The following GRID1 variants were observed in gnomAD, a reference collection of about 807,000 sequenced individuals.
GRID1 encodes glutamate receptor ionotropic, delta-1.
A neutral mutation model predicts 98.0 loss-of-function variants in GRID1; 28 were observed. The ratio of observed to expected loss-of-function variants is 0.29; its 90% CI spans 0.21 to 0.39. GRID1 has a LOEUF of 0.39. Among genes scored for constraint, GRID1 ranks in the 10% least tolerant of loss-of-function variants. The pLI, the probability that GRID1 is intolerant of heterozygous loss-of-function variation, is 1.00. For synonymous variants in GRID1, 553 were observed against 538.5 expected (o/e 1.03, Z -0.37); for missense variants, 1,111 against 1,340.5 (o/e 0.83, Z 2.67).
intron 2 of GRID1, among the ~76,000 whole-genome samples, chr10:86,224,649 T>G (rs758280442): frequency 4.6e-5 from 7 of 152,134 alleles, no homozygotes; most frequent in African/African-American, 1.7e-4. Context: ...TAAAGGAAGG[T>G]GTAAGCTGAG....
chr10:86,228,680 C>T (rs889132579), intron 2 of GRID1, among the ~76,000 whole-genome samples: 3 of 152,116 alleles, frequency 2.0e-5, no homozygotes, highest in Non-Finnish European at 4.4e-5. Context: ...ATGAGAACAA[C>T]AGTGTCCCAG....
intron 3 of GRID1, among the ~76,000 whole-genome samples, chr10:86,141,736 T>C (rs1391181789): frequency 2.0e-5 from 3 of 152,276 alleles, no homozygotes; most frequent in Non-Finnish European, 2.9e-5. Context: ...CAGCCACATC[T>C]GGCTGGTGGC....
intron 4 of GRID1, among the ~76,000 whole-genome samples, chr10:86,136,781 C>T (rs1172577809): frequency 2.0e-5 from 3 of 152,158 alleles, no homozygotes; most frequent in Admixed American, 2.0e-4. Context: ...AGGGACTTGA[C>T]TGACGTTAAG....
intron 4 of GRID1, among the ~76,000 whole-genome samples, chr10:85,957,757 A>G (rs1842213605): frequency 6.6e-6 from 1 of 152,168 alleles, no homozygotes; most frequent in South Asian, 2.1e-4. Context: ...GCTGAAGGTC[A>G]GCAGCCACCC....
chr10:86,317,480 A>C (rs1589447544), intron 2 of GRID1, among the ~76,000 whole-genome samples: 2 of 152,328 alleles, frequency 1.3e-5, no homozygotes, highest in South Asian at 4.1e-4. Context: ...CCACAATTAC[A>C]TCTCACCTGC....
intron 4 of GRID1, among the ~76,000 whole-genome samples, chr10:86,095,708 A>C (rs188350815): frequency 6.7e-6 from 1 of 148,640 alleles, no homozygotes; most frequent in South Asian, 2.1e-4. Flanking sequence ...AAATTTTTTT[A>C]AAAGTAGATG....
intron 12 of GRID1, among the ~76,000 whole-genome samples, chr10:85,702,286 C>T (rs9665540): frequency 0.62 from 93,737 of 151,690 alleles, 29,919 homozygotes; most frequent in African/African-American, 0.77. Flanking sequence ...ATAAGTAGAA[C>T]TTATATAGTC....
intron 12 of GRID1, among the ~76,000 whole-genome samples, chr10:85,718,147 G>A (rs1458191476): frequency 6.6e-6 from 1 of 152,192 alleles, no homozygotes; most frequent in Non-Finnish European, 1.5e-5. Context: ...GAGGATGGTG[G>A]CCCTCTTCTC....
intron 8 of GRID1, among the ~76,000 whole-genome samples, chr10:85,799,490 G>T (rs1842556194): frequency 6.6e-6 from 1 of 152,072 alleles, no homozygotes; most frequent in East Asian, 1.9e-4. Context: ...TGGATGAATA[G>T]ATTTTTAAAA....
At chr10:85,667,191 T>C (rs568569134) in intron 12 of GRID1, among the ~76,000 whole-genome samples, 1 of 152,252 alleles carries the variant, frequency 6.6e-6, no homozygotes, top group South Asian at 2.1e-4. Context: ...ATCTAGCACA[T>C]GGGAAGCCCG....
intron 8 of GRID1, among the ~76,000 whole-genome samples, chr10:85,749,511 G>A (rs1468222655): frequency 6.6e-6 from 1 of 152,076 alleles, no homozygotes; most frequent in African/African-American, 2.4e-5. Flanking sequence ...CCCCTACATA[G>A]GACACAGAGT....
At chr10:86,010,018 C>A (rs1842906684) in intron 4 of GRID1, among the ~76,000 whole-genome samples, 1 of 151,792 alleles carries the variant, frequency 6.6e-6, no homozygotes, top group Admixed American at 6.6e-5. Flanking sequence ...ATATCAGACA[C>A]AGAATAGGAT....
intron 8 of GRID1, among the ~76,000 whole-genome samples, chr10:85,804,390 G>T (rs990368572): frequency 6.6e-5 from 10 of 151,744 alleles, no homozygotes; most frequent in African/African-American, 2.2e-4. Context: ...TAATTCAAAA[G>T]CCTCATACAA....
intron 4 of GRID1, among the ~76,000 whole-genome samples, chr10:86,085,958 C>T (rs1173129889): frequency 6.6e-6 from 1 of 152,146 alleles, no homozygotes; most frequent in African/African-American, 2.4e-5. Flanking sequence ...GGTCTCCACA[C>T]CCCAGCCCAG....
rs994689639 is a variant in GRID1 at position 85,620,095 on chromosome 10, G to A, written c.2194-62C>T. Reference sequence around the variant, plus strand: ...TGGCCAGCTGTGTCAGCTTTGATTGGTGAGCCATCTTGATGGTGGGATTTG... The same window carrying A: ...TGGCCAGCTGTGTCAGCTTTGATTGATGAGCCATCTTGATGGTGGGATTTG... On this transcript the variant is annotated intron_variant, in intron 13 of 15. Transcript: ENST00000327946. The A allele has an allele frequency of 3.8e-5, 54 of 1,421,252 alleles. No homozygotes were observed. In the Middle Eastern group the frequency reaches 1.1e-3, roughly 29 times the overall value. The allele number at this position is 1,421,252 out of a possible 1,614,324, so 88.0% of individuals were successfully genotyped here. A position where few individuals can be genotyped will look rare whatever the true frequency, so the allele number is the denominator to read the frequency against.
At chr10:86,246,042 G>A (rs1284645697) in intron 2 of GRID1, among the ~76,000 whole-genome samples, 3 of 152,376 alleles carry the variant, frequency 2.0e-5, no homozygotes, top group African/African-American at 7.2e-5. Context: ...TGTGCCTGGG[G>A]GCCAAGACGA....
At position 86,337,960 on chromosome 10, in the gene GRID1, G is replaced by C. The variant is rs143315905; in HGVS notation, c.235+25981C>G. On this transcript the variant is annotated intron_variant, in intron 2 of 15. Transcript: ENST00000327946. Reference sequence around the variant, plus strand: ...TGACCTCAGGTGATCCATCTGCCTCGGCCTCCCGAAGTGCTGGGATTACAG... The same window carrying C: ...TGACCTCAGGTGATCCATCTGCCTCCGCCTCCCGAAGTGCTGGGATTACAG... Among the ~76,000 whole-genome samples the C allele has an allele frequency of 3.1e-3, 474 of 152,062 alleles. 25 individuals carry two copies. In the East Asian group the frequency reaches 0.088, roughly 28 times the overall value.
At chr10:86,352,937 G>A (rs1192283036) in intron 2 of GRID1, among the ~76,000 whole-genome samples, 4 of 152,198 alleles carry the variant, frequency 2.6e-5, no homozygotes, top group African/African-American at 4.8e-5. Context: ...CTAAGGTGCT[G>A]TCCACAGCCT....
intron 12 of GRID1, among the ~76,000 whole-genome samples, chr10:85,667,008 G>A (rs1384499415): frequency 6.6e-6 from 1 of 152,166 alleles, no homozygotes. Context: ...CCCTAGTTTA[G>A]GAAATGCAGA....
Sources: gnomAD v4.1 joint callset for allele counts (sites outside exome capture counted in the v4.1 genomes callset) on GRCh38, gnomAD v4.1.1 for gene constraint, MANE v1.5 for transcripts, NCBI Gene and HGNC (gene_info 2026-07-23, HGNC 2026-07-21) for gene names.